CSMD1: variants seen among roughly 807,000 people sequenced by gnomAD.
CSMD1 encodes CUB and Sushi multiple domains 1.
In CSMD1, 213 loss-of-function variants were observed where a neutral mutation model predicts 417.5. The observed-to-expected ratio is 0.51, with a 90% CI of 0.46 to 0.57. The LOEUF (loss-of-function observed/expected upper bound fraction) is 0.57, where lower values mean the gene tolerates loss of function less well. CSMD1 is among the 20% of genes least tolerant of loss of function. CSMD1 has a pLI of 0.00. For synonymous variants in CSMD1, 2,862 were observed against 1,736.8 expected (o/e 1.65, Z -16.11); for missense variants, 6,923 against 4,529.7 (o/e 1.53, Z -15.17).
intron 3 of CSMD1, among the ~76,000 whole-genome samples, chr8:4,411,095 G>C (rs189091456): frequency 1.3e-5 from 2 of 151,958 alleles, no homozygotes; most frequent in South Asian, 2.1e-4. Flanking sequence ...CCCCCTCCAC[G>C]TGTGGCCACC....
chr8:3,450,031 T>C (rs1815585560), intron 12 of CSMD1, among the ~76,000 whole-genome samples: 1 of 152,334 alleles, frequency 6.6e-6, no homozygotes, highest in South Asian at 2.1e-4. Flanking sequence ...GATGTGGTCC[T>C]CAGGAGCCTC....
At chr8:2,954,124 C>A in intron 65 of CSMD1, 100 bp downstream of exon 65, 1 of 580,660 alleles carries the variant, frequency 1.7e-6, no homozygotes, top group South Asian at 3.0e-5. Flanking sequence ...CGTGGACTAA[C>A]GGATTCAGAA....
chr8:2,951,215 T>A lies in CSMD1; in HGVS notation c.10100A>T (p.Lys3367Ile), dbSNP rs1272155958. The change falls in exon 66 of 70, where the codon AAA becomes ATA. Residue 3367 changes from lysine (K) to isoleucine (I), a missense_variant. Lys to Ile is a moderately radical substitution (Grantham distance 102). Coordinates refer to ENST00000635120, the MANE Select transcript of CSMD1 (RefSeq NM_033225.6). The stretch of plus-strand genomic sequence containing the variant: ...AACAGTTAGAGTGGCGGGTTGTCTT[T>A]TCCCTAAATATTCATAATACCCCTT... ...LWKGYYEYLGKRQPATLTVDW... is the reference protein window; with the variant it reads ...LWKGYYEYLGIRQPATLTVDW... 1.9e-6 allele frequency: 3 copies of A among 1,610,758 alleles called. No homozygotes were observed. The highest frequency in any genetic ancestry group is 2.5e-6 in the Non-Finnish European group (3 of 1,178,376).
At chr8:3,368,421 C>T (rs1357914869) in intron 19 of CSMD1, among the ~76,000 whole-genome samples, 5 of 152,174 alleles carry the variant, frequency 3.3e-5, no homozygotes, top group Admixed American at 3.3e-4. Context: ...ACTGCAACTT[C>T]CGCCTCCTGG....
At chr8:4,940,028 C>G (rs55760220) in intron 1 of CSMD1, among the ~76,000 whole-genome samples, 37,015 of 151,924 alleles carry the variant, frequency 0.24, 4,626 homozygotes, top group East Asian at 0.38. Context: ...GATCCATGTG[C>G]CTGCACTCCC....
At chr8:4,943,934 T>C (rs191352924) in intron 1 of CSMD1, among the ~76,000 whole-genome samples, 323 of 152,232 alleles carry the variant, frequency 2.1e-3, no homozygotes, top group African/African-American at 7.3e-3. Context: ...TGGATATTGA[T>C]TATGGAAAGA....
intron 3 of CSMD1, among the ~76,000 whole-genome samples, chr8:4,125,926 C>A (rs776102039): frequency 5.3e-5 from 8 of 152,110 alleles, no homozygotes; most frequent in African/African-American, 9.7e-5. Flanking sequence ...AGAGTATGAA[C>A]CTTCCCAAAT....
chr8:3,301,538 G>A (rs763111561), intron 25 of CSMD1, among the ~76,000 whole-genome samples: 52 of 152,136 alleles, frequency 3.4e-4, no homozygotes, highest in Non-Finnish European at 4.7e-4. Context: ...TTTTTGCTGA[G>A]CCCTAAGAGA....
At chr8:3,695,731 A>C (rs1224234959) in intron 7 of CSMD1, among the ~76,000 whole-genome samples, 2 of 152,218 alleles carry the variant, frequency 1.3e-5, no homozygotes, top group African/African-American at 2.4e-5. Flanking sequence ...GCTGGAAGGA[A>C]GGATGACAGC....
rs13249909 is a variant in CSMD1, at chr8:4,444,330, G to A, written c.303-24265C>T. Reference sequence around the variant, plus strand: ...CGACTTCACTCAAGCCTGGGCTACAGAGTGAGACTCCATCTCAAAAAAAAA... The same window carrying A: ...CGACTTCACTCAAGCCTGGGCTACAAAGTGAGACTCCATCTCAAAAAAAAA... On this transcript the variant is annotated intron_variant, in intron 2 of 69. Transcript: ENST00000635120. 2.4e-3 allele frequency among the ~76,000 whole-genome samples: 258 copies of A among 107,756 alleles called. 1 individual carries two copies. Among genetic ancestry groups the A allele is most frequent in the Non-Finnish European group, 3.7e-3 (216 of 58,726 alleles). The allele number at this position is 107,756 out of a possible 152,430, so 70.7% of individuals were successfully genotyped here.
chr8:4,259,047 CA>C (rs1481830846), intron 3 of CSMD1, among the ~76,000 whole-genome samples: 2 of 152,150 alleles, frequency 1.3e-5, no homozygotes, highest in African/African-American at 4.8e-5. Flanking sequence ...AAAAATTGTG[CA>C]AAGACCCTGC....
At chr8:4,856,650 A>G (rs922383505) in intron 1 of CSMD1, among the ~76,000 whole-genome samples, 4 of 148,072 alleles carry the variant, frequency 2.7e-5, no homozygotes, top group Admixed American at 1.3e-4. Context: ...AAACCAACAA[A>G]GATCAAAAGA....
At chr8:3,332,287 A>G (rs1274417048) in intron 23 of CSMD1, among the ~76,000 whole-genome samples, 4 of 152,354 alleles carry the variant, frequency 2.6e-5, no homozygotes, top group Non-Finnish European at 1.5e-5. Context: ...CTTGCTTTGC[A>G]TGTGAATAAG....
At chr8:3,110,421 G>C in intron 42 of CSMD1, 86 bp from the exon 43 acceptor site, 1 of 1,151,528 alleles carries the variant, frequency 8.7e-7, no homozygotes, top group Non-Finnish European at 1.2e-6. Context: ...AAGTACCTTA[G>C]CCAACATTTT....
At chr8:4,614,832 T>C (rs540303995) in intron 2 of CSMD1, among the ~76,000 whole-genome samples, 2 of 152,356 alleles carry the variant, frequency 1.3e-5, no homozygotes, top group East Asian at 3.9e-4. Flanking sequence ...AGACATTATT[T>C]TTTTAAAAAT....
chr8:3,505,707 G>C (rs1021986953), intron 10 of CSMD1, among the ~76,000 whole-genome samples: 15 of 152,160 alleles, frequency 9.9e-5, no homozygotes, highest in East Asian at 1.9e-4. Flanking sequence ...ACAACACTAT[G>C]AGCACTGGAT....
intron 5 of CSMD1, among the ~76,000 whole-genome samples, chr8:3,864,289 A>G (rs935504059): frequency 6.6e-6 from 1 of 152,176 alleles, no homozygotes; most frequent in Admixed American, 6.5e-5. Context: ...AATTTGGCCA[A>G]TATTTGTTGA....
chr8:4,422,237 C>A (rs1017554557), intron 2 of CSMD1, among the ~76,000 whole-genome samples: 2 of 152,150 alleles, frequency 1.3e-5, no homozygotes, highest in South Asian at 4.1e-4. Flanking sequence ...TAATTCTACA[C>A]AGTCTCTTCC....
chr8:3,286,482 G>A, intron 25 of CSMD1, among the ~76,000 whole-genome samples: 1 of 152,072 alleles, frequency 6.6e-6, no homozygotes, highest in Non-Finnish European at 1.5e-5. Flanking sequence ...ATCCTCTCCA[G>A]CACCTGTTTT....
Sources: gnomAD v4.1 joint callset for allele counts (sites outside exome capture counted in the v4.1 genomes callset) on GRCh38, gnomAD v4.1.1 for gene constraint, MANE v1.5 for transcripts, NCBI Gene and HGNC (gene_info 2026-07-23, HGNC 2026-07-21) for gene names.